Variants in WSCD1 observed in about 807,000 individuals in gnomAD.
WSCD1 encodes sialate:O-sulfotransferase 1.
In WSCD1, 41 loss-of-function variants were observed where a neutral mutation model predicts 60.4. The ratio of observed to expected loss-of-function variants is 0.68; its 90% confidence interval spans 0.53 to 0.88. The LOEUF (loss-of-function observed/expected upper bound fraction) is 0.88. Ranked by LOEUF, WSCD1 falls within the 40% of genes least tolerant of loss-of-function variation. The probability of loss-of-function intolerance (pLI) is 0.00; values close to 1 mark genes in which losing one functional copy is unlikely to be tolerated. For synonymous variants in WSCD1, 361 were observed against 332.5 expected, an observed-to-expected ratio of 1.09 and a Z score of -0.93; for missense variants, 784 against 796.2, an observed-to-expected ratio of 0.98 and a Z score of 0.18.
intron 1 of WSCD1, among the ~76,000 whole-genome samples, chr17:6,079,255 A>T (rs1374847890): frequency 6.7e-6 from 1 of 149,940 alleles, no homozygotes; most frequent in African/African-American, 2.4e-5. Flanking sequence ...GTGGCTGCAC[A>T]GGCCTGGCGG....
chr17:6,085,536 C>G (rs1909579394), intron 2 of WSCD1, among the ~76,000 whole-genome samples: 1 of 152,098 alleles, frequency 6.6e-6, no homozygotes, highest in Admixed American at 6.5e-5. Context: ...GCTTGCACAG[C>G]CAGATAGTGG....
At position 6,110,588 on chromosome 17, in the gene WSCD1, C is replaced by T. The variant is rs998273463; in HGVS notation, c.1010-183C>T. 8.5e-5 allele frequency among the ~76,000 whole-genome samples: 13 copies of T among 152,162 alleles called. No individual in the cohort carries two copies. Among genetic ancestry groups the T allele is most frequent in the Non-Finnish European group, 1.3e-4 (9 of 68,034 alleles). ...TGCAGGCCTCATTACGGGGCTTTCT[C>T]GGACTGGCCACAGACCTGTGCAGCT... is the stretch of plus-strand genomic sequence containing the variant. On this transcript the variant is annotated intron_variant, in intron 6 of 8. Transcript: ENST00000317744. The surrounding 1 kb of genome is among the most constrained non-coding windows in gnomAD (Gnocchi z 4.8).
rs550688319 is a variant in WSCD1, at chr17:6,082,484, C to A, written c.427+1399C>A. On this transcript the variant is annotated intron_variant, in intron 2 of 8. Transcript: ENST00000317744. ...GGCAGGGTCTACCATCGTCACACTG[C>A]TGGATGCCAGCGTGGGGACAGTCTG... Among the ~76,000 whole-genome samples, 5 of 152,328 alleles carry A rather than the reference C, an allele frequency of 3.3e-5. No individual in the cohort carries two copies. In the East Asian group the frequency reaches 9.6e-4, roughly 29 times the overall value.
chr17:6,113,642 C>G (rs1317577627), intron 7 of WSCD1, among the ~76,000 whole-genome samples: 1 of 151,944 alleles, frequency 6.6e-6, no homozygotes, highest in Admixed American at 6.6e-5. Flanking sequence ...AACTCAACAA[C>G]AAAAACCCAA....
chr17:6,080,795 C>A lies in WSCD1; in HGVS notation c.137C>A (p.Pro46His), dbSNP rs373916108. The A allele has an allele frequency of 8.7e-6, 14 of 1,609,714 alleles. No individual in the cohort carries two copies. In the African/African-American group the frequency reaches 1.7e-4, roughly 20 times the overall value. ...QRVRVALPQG[P>H]RAPGPLQTLP... is the part of the protein sequence containing the mutation. ...GTCCGCGTGGCTCTCCCACAGGGCC[C>A]CCGGGCACCCGGCCCCCTGCAGACC... is the stretch of plus-strand genomic sequence containing the variant. The change falls in exon 2 of 9, where the codon CCC (proline) becomes CAC (histidine). Residue 46 changes from proline to histidine, a missense_variant. Physicochemically the swap from Pro to His is moderately conservative, Grantham distance 77. Transcript: ENST00000317744. The surrounding 1 kb of genome is among the most constrained non-coding windows in gnomAD (Gnocchi z 6.6).
rs892680914 is a variant in WSCD1, at chr17:6,075,120, C to T, written c.-289+4468C>T. 2.0e-5 allele frequency among the ~76,000 whole-genome samples: 3 copies of T among 152,180 alleles called. No homozygotes were observed. The highest frequency in any genetic ancestry group is 2.1e-4 in the South Asian group (1 of 4,828). Reference sequence around the variant, plus strand: ...GCCCATCACCTTGTCTAGAGAGCAACGTTCTGGGCCCTATTCTTGTCGCTG... The same window carrying T: ...GCCCATCACCTTGTCTAGAGAGCAATGTTCTGGGCCCTATTCTTGTCGCTG... On this transcript the variant is annotated intron_variant, in intron 1 of 8. Transcript: ENST00000317744. The surrounding 1 kb of genome is among the most constrained non-coding windows in gnomAD (Gnocchi z 4.1).
intron 7 of WSCD1, among the ~76,000 whole-genome samples, chr17:6,112,039 A>C (rs979722762): frequency 6.6e-6 from 1 of 152,216 alleles, no homozygotes; most frequent in Non-Finnish European, 1.5e-5. Context: ...CTGTGTTTTT[A>C]ATTTTATACC....
intron 5 of WSCD1, among the ~76,000 whole-genome samples, chr17:6,103,974 C>T (rs367957896): frequency 6.6e-6 from 1 of 152,180 alleles, no homozygotes; most frequent in South Asian, 2.1e-4. Context: ...TAAAGGAATA[C>T]CTGAGGCTGA....
intron 4 of WSCD1, among the ~76,000 whole-genome samples, chr17:6,091,932 G>T (rs372766491): frequency 1.3e-5 from 2 of 152,136 alleles, no homozygotes; most frequent in African/African-American, 4.8e-5. Context: ...CAAGGCGGGC[G>T]AATCATGAGG....
rs559348693 is a variant in WSCD1 at position 6,121,731 on chromosome 17, G to C, written c.*1070G>C. 2.0e-5 allele frequency: 3 copies of C among 149,932 alleles called. No homozygotes were observed. In the South Asian group the frequency reaches 6.5e-4, roughly 32 times the overall value. The allele number at this position is 149,932 out of a possible 1,614,324, so 9.3% of individuals were successfully genotyped here. On this transcript the variant is annotated 3_prime_UTR_variant, in exon 9 of 9. Transcript: ENST00000317744. ...CCATAGGGGCCCTGTTCTCTCTGGGGTCCCACACTGGGGTCATGAGAGCTA... is the reference window on the plus strand; with the variant it reads ...CCATAGGGGCCCTGTTCTCTCTGGGCTCCCACACTGGGGTCATGAGAGCTA...
rs770987586 is a variant in WSCD1 at position 6,120,619 on chromosome 17, C to G, written c.1686C>G (p.Asp562Glu). The change falls in exon 9 of 9, where the codon GAC (aspartate) becomes GAG (glutamate). Residue 562 changes from aspartate to glutamate, a missense_variant. Coordinates refer to ENST00000317744, the MANE Select transcript of WSCD1 (RefSeq NM_015253.2). ...YIRTVDQALR[D>E]HNWTGLPREY... Reference sequence around the variant, plus strand: ...GGACGGTGGACCAAGCCCTGCGTGACCACAACTGGACGGGGCTGCCCAGGG... The same window carrying G: ...GGACGGTGGACCAAGCCCTGCGTGAGCACAACTGGACGGGGCTGCCCAGGG... The G allele has an allele frequency of 3.1e-6, 5 of 1,613,398 alleles. No homozygotes were observed. The South Asian group carries it at 5.5e-5, about 18-fold the overall frequency.
At chr17:6,109,336 A>T (rs191788222) in intron 5 of WSCD1, among the ~76,000 whole-genome samples, 134 of 152,264 alleles carry the variant, frequency 8.8e-4, no homozygotes, top group Non-Finnish European at 2.4e-4. Context: ...ATTGCTGCTC[A>T]TACTGTTGAC....
intron 5 of WSCD1, among the ~76,000 whole-genome samples, chr17:6,097,481 C>T (rs1910516779): frequency 6.6e-6 from 1 of 152,210 alleles, no homozygotes; most frequent in South Asian, 2.1e-4. Flanking sequence ...AGGAGCTGCA[C>T]CCGCCCTTCT....
At position 6,123,212 on chromosome 17, in the gene WSCD1, C is replaced by G. The variant is rs1408335425; in HGVS notation, c.*2551C>G. 6.6e-6 allele frequency: 1 copy of G among 152,210 alleles called. No homozygotes were observed. The highest frequency in any genetic ancestry group is 2.4e-5 in the African/African-American group (1 of 41,458). 9.4% of individuals were successfully genotyped at this position (152,210 alleles called of 1,614,324 possible). On this transcript the variant is annotated 3_prime_UTR_variant, in exon 9 of 9. Transcript: ENST00000317744. ...CAAATGCATCAGGAACCGGTTAGAA[C>G]AGAACAGAGAAACCCTGACTGTCTA...
chr17:6,077,088 C>CTTTTT (rs34145700), intron 1 of WSCD1, among the ~76,000 whole-genome samples: 1 of 122,432 alleles, frequency 8.2e-6, no homozygotes, highest in Non-Finnish European at 1.7e-5. Context: ...GTTCCTGATG[C>CTTTTT]TTTTTTTTTT....
intron 1 of WSCD1, among the ~76,000 whole-genome samples, chr17:6,076,208 C>T (rs564596813): frequency 1.3e-5 from 2 of 152,252 alleles, no homozygotes; most frequent in South Asian, 2.1e-4. Context: ...GGCTGAGCTT[C>T]AGAGACCTCA....
Position 6,118,173 on chromosome 17 carries a change from A to C in WSCD1, c.1360A>C (p.Asn454His), listed in dbSNP as rs987306689. The C allele has an allele frequency of 8.1e-6, 13 of 1,614,150 alleles. No homozygotes were observed. Among genetic ancestry groups the C allele is most frequent in the Non-Finnish European group, 1.0e-5 (12 of 1,180,026 alleles). Residue 454 changes from asparagine to histidine, a missense_variant, in exon 8 of 9, where the codon AAC (asparagine) becomes CAC (histidine). Physicochemically the swap from Asn to His is moderately conservative, Grantham distance 68. Coordinates refer to ENST00000317744, the MANE Select transcript of WSCD1 (RefSeq NM_015253.2). This position sits in a 1 kb window ranked among gnomAD's most constrained non-coding sequence, Gnocchi z 5.8. ...AGHLGYAADR[N>H]WKSKEWPDFV... Reference sequence around the variant, plus strand: ...GCACCTGGGATATGCAGCTGACCGCAACTGGAAGAGCAAAGGTAATCAAGG... The same window carrying C: ...GCACCTGGGATATGCAGCTGACCGCCACTGGAAGAGCAAAGGTAATCAAGG...
intron 3 of WSCD1, among the ~76,000 whole-genome samples, chr17:6,088,907 C>A (rs970007000): frequency 6.6e-6 from 1 of 152,066 alleles, no homozygotes; most frequent in Admixed American, 6.5e-5. Context: ...CTCAGCCTCC[C>A]GAGTAGCTGG....
chr17:6,079,682 GA>G (rs1426491503), intron 1 of WSCD1, among the ~76,000 whole-genome samples: 4 of 152,224 alleles, frequency 2.6e-5, no homozygotes, highest in Non-Finnish European at 5.9e-5. Flanking sequence ...AGCCTGTGCA[GA>G]AGCTCCTTCC....
Sources: allele counts gnomAD v4.1 joint callset (sites outside exome capture counted in the v4.1 genomes callset), GRCh38; gene constraint gnomAD v4.1.1; non-coding constraint Gnocchi (gnomAD v3.1); transcripts MANE v1.5; gene names NCBI Gene and HGNC (gene_info 2026-07-23, HGNC 2026-07-21).